Variants in WFS1 observed in about 807,000 individuals in gnomAD.
The protein encoded by WFS1 is wolframin ER transmembrane glycoprotein.
WFS1 carries 90 observed loss-of-function variants against 68.5 expected under a neutral mutation model. That is an observed-to-expected ratio of 1.31 (90% CI 1.11 to 1.56). The LOEUF is 1.56. Among genes scored for constraint, WFS1 ranks in the 40% most tolerant of loss-of-function variants. WFS1 has a pLI of 0.00. For missense variants in WFS1, 1,767 were observed against 1,232.6 expected (o/e 1.43, Z -6.49); for synonymous variants, 860 against 540.7 (o/e 1.59, Z -8.19).
In WFS1 at chr4:6,291,976, G is replaced by A. The variant is rs199620178; in HGVS notation, c.691G>A (p.Glu231Lys). ...KSLQKQRRML[E>K]RLVSSESKNY... ...CCTGCAGAAGCAGAGGCGCATGCTG[G>A]AGCGCCTGGTCAGCAGCGAGTGTGA... The change falls in exon 6 of 8, where the codon GAG (glutamate) becomes AAG (lysine). Residue 231 changes from glutamate to lysine, a missense_variant. By Grantham distance (56) the Glu-to-Lys change is moderately conservative. Coordinates refer to ENST00000226760, the MANE Select transcript of WFS1 (RefSeq NM_006005.3). The A allele has an allele frequency of 7.1e-5, 115 of 1,608,940 alleles. No homozygotes were observed. The highest frequency in any genetic ancestry group is 4.1e-4 in the South Asian group (37 of 89,856).
In WFS1 at chr4:6,301,918, G is replaced by T; in HGVS notation, c.2123G>T (p.Arg708Leu). The change falls in exon 8 of 8, where the codon CGC becomes CTC. Residue 708 changes from arginine to leucine, a missense_variant. Transcript: ENST00000226760. ...TGGACCGGCCGCTTCAAGTACGTCCGCGTGACTGACATCGACAACAGCGCC... is the reference window on the plus strand; with the variant it reads ...TGGACCGGCCGCTTCAAGTACGTCCTCGTGACTGACATCGACAACAGCGCC... ...VTWTGRFKYV[R>L]VTDIDNSAES... 1 of 1,612,922 alleles carries T rather than the reference G, an allele frequency of 6.2e-7. No individual in the cohort carries two copies. Among genetic ancestry groups the T allele is most frequent in the Non-Finnish European group, 8.5e-7 (1 of 1,179,920 alleles).
intron 6 of WFS1, among the ~76,000 whole-genome samples, chr4:6,293,458 G>A (rs140008638): frequency 2.6e-4 from 39 of 152,248 alleles, no homozygotes; most frequent in African/African-American, 9.1e-4. Context: ...CCCTTCTCTC[G>A]TCCTCCGTCC....
chr4:6,301,454 C>T lies in WFS1; in HGVS notation c.1659C>T (p.Gly553=), dbSNP rs1331249699. The change falls in exon 8 of 8, where the codon GGC becomes GGT. Residue 553 remains glycine, a synonymous_variant. Transcript: ENST00000226760. ...LSVVILLEST[G]LGLLRASIGY... ...TGGTCATCCTGCTGGAGTCCACCGG[C>T]CTGGGGCTGCTCCGCGCCTCCATCG... The T allele has an allele frequency of 1.9e-6, 3 of 1,612,622 alleles. No individual in the cohort carries two copies. The highest frequency in any genetic ancestry group is 1.7e-6 in the Non-Finnish European group (2 of 1,180,038).
Position 6,301,511 on chromosome 4 carries a change from C to T in WFS1, c.1716C>T (p.Ile572=). 7 of 1,613,686 alleles carry T rather than the reference C, an allele frequency of 4.3e-6. No homozygotes were observed. The highest frequency in any genetic ancestry group is 5.9e-6 in the Non-Finnish European group (7 of 1,179,938). ...TCCTCTTCCTCTTTGCCCTCCCCAT[C>T]CTGGTGGCCGGCCTGGCCCTGGTGG... is the stretch of plus-strand genomic sequence containing the variant. ...GYFLFLFALP[I]LVAGLALVGV... is the part of the protein sequence containing the mutation. Residue 572 remains isoleucine, a synonymous_variant, in exon 8 of 8, where the codon ATC becomes ATT. Coordinates refer to ENST00000226760, the MANE Select transcript of WFS1 (RefSeq NM_006005.3).
At chr4:6,285,149 C>T (rs1040765568) in intron 2 of WFS1, among the ~76,000 whole-genome samples, 6 of 84,290 alleles carry the variant, frequency 7.1e-5, no homozygotes, top group Non-Finnish European at 1.2e-4. Flanking sequence ...AAACTCTGTG[C>T]AAGAGTTGCG....
rs760031371 is a variant in WFS1 at position 6,301,526 on chromosome 4, G to A, written c.1731G>A (p.Leu577=). 6.2e-6 allele frequency: 10 copies of A among 1,613,764 alleles called. No individual in the cohort carries two copies. In the East Asian group the frequency reaches 6.7e-5, roughly 11 times the overall value. The change falls in exon 8 of 8, where the codon CTG becomes CTA. Residue 577 remains leucine (L), a synonymous_variant. Transcript: ENST00000226760. ...LFALPILVAG[L]ALVGVLQFAR... ...CCCTCCCCATCCTGGTGGCCGGCCT[G>A]GCCCTGGTGGGCGTGCTGCAGTTCG...
rs752585187 is a variant in WFS1, at chr4:6,295,130, G to A, written c.802G>A (p.Asp268Asn). 12 of 1,613,172 alleles carry A rather than the reference G, an allele frequency of 7.4e-6. No homozygotes were observed. Among genetic ancestry groups the A allele is most frequent in the African/African-American group, 1.3e-5 (1 of 75,044 alleles). The part of the protein sequence containing the change: ...VIPSSLFLQD[D>N]EDDDELAGKS... ...CCCCAGCAGCCTGTTCCTGCAGGAC[G>A]ACGAAGATGATGACGAGCTGGCGGG... The change falls in exon 7 of 8, where the codon GAC becomes AAC. Residue 268 changes from aspartate (D) to asparagine (N), a missense_variant. Transcript: ENST00000226760.
At chr4:6,298,428 G>A (rs1424004538) in intron 7 of WFS1, among the ~76,000 whole-genome samples, 6 of 152,056 alleles carry the variant, frequency 3.9e-5, no homozygotes, top group Non-Finnish European at 5.9e-5. Flanking sequence ...TGCTCATGTA[G>A]AAGGTTGTTG....
chr4:6,301,319 T>C lies in WFS1; in HGVS notation c.1524T>C (p.Tyr508=). ...VLNVSVPCLL[Y]VYLLYLFFRM... ...ACGTCAGCGTCCCGTGCCTGCTCTATGTCTACCTGCTCTATCTCTTCTTCC... is the reference window on the plus strand; with the variant it reads ...ACGTCAGCGTCCCGTGCCTGCTCTACGTCTACCTGCTCTATCTCTTCTTCC... The change falls in exon 8 of 8, where the codon TAT becomes TAC. Residue 508 remains tyrosine, a synonymous_variant. Transcript: ENST00000226760. 1.9e-6 allele frequency: 3 copies of C among 1,611,736 alleles called. No individual in the cohort carries two copies. In the South Asian group the frequency reaches 3.3e-5, roughly 18 times the overall value.
At position 6,300,539 on chromosome 4, in the gene WFS1, G is replaced by A. The variant is rs55879635; in HGVS notation, c.862-118G>A. On this transcript the variant is annotated intron_variant, in intron 7 of 7. Transcript: ENST00000226760. ...ACCACTAGGATGGGGCTGGTGATGGGAAAACGCAAGGGTGCGGGTTCCTTT... is the reference window on the plus strand; with the variant it reads ...ACCACTAGGATGGGGCTGGTGATGGAAAAACGCAAGGGTGCGGGTTCCTTT... 60,814 of 1,492,990 alleles carry A rather than the reference G, an allele frequency of 0.041. 1,547 individuals are homozygous for A. Among genetic ancestry groups the A allele is most frequent in the Non-Finnish European group, 0.049 (53,789 of 1,101,692 alleles). The allele number at this position is 1,492,990 out of a possible 1,614,324, so 92.5% of individuals were successfully genotyped here.
chr4:6,297,272 A>T (rs906230484), intron 7 of WFS1, among the ~76,000 whole-genome samples: 4 of 152,138 alleles, frequency 2.6e-5, no homozygotes, highest in Non-Finnish European at 5.9e-5. Context: ...GAGGGAGGCA[A>T]TGAATCGTCA....
intron 1 of WFS1, among the ~76,000 whole-genome samples, chr4:6,272,346 G>A (rs546497575): frequency 5.1e-4 from 77 of 152,346 alleles, no homozygotes; most frequent in African/African-American, 1.7e-3. Context: ...CACTATGGCC[G>A]TCATGAATGC....
chr4:6,280,253 C>G (rs1324852087), intron 2 of WFS1, among the ~76,000 whole-genome samples: 2 of 152,298 alleles, frequency 1.3e-5, no homozygotes, highest in East Asian at 1.9e-4. Context: ...TGACAGCAGC[C>G]CAAGTGATGT....
At chr4:6,290,329 T>C (rs954787445) in intron 4 of WFS1, among the ~76,000 whole-genome samples, 2 of 152,258 alleles carry the variant, frequency 1.3e-5, no homozygotes, top group African/African-American at 4.8e-5. Flanking sequence ...GTGGCATTGT[T>C]AGCCAGAATT....
At chr4:6,293,695 C>T (rs972040204) in intron 6 of WFS1, among the ~76,000 whole-genome samples, 1 of 152,202 alleles carries the variant, frequency 6.6e-6, no homozygotes, top group African/African-American at 2.4e-5. Flanking sequence ...TCCTGTCTCT[C>T]AGGACAGGAC....
intron 2 of WFS1, among the ~76,000 whole-genome samples, chr4:6,282,956 C>T (rs1454668334): frequency 1.3e-5 from 2 of 152,230 alleles, no homozygotes; most frequent in Non-Finnish European, 2.9e-5. Context: ...GTGTACTGTC[C>T]AGCGTCGTAG....
rs761390427 is a variant in WFS1 at position 6,291,261 on chromosome 4, C to T, written c.525C>T (p.Ala175=). 7 of 1,613,266 alleles carry T rather than the reference C, an allele frequency of 4.3e-6. No individual in the cohort carries two copies. The highest frequency in any genetic ancestry group is 2.2e-5 in the South Asian group (2 of 91,038). Residue 175 remains alanine (A), a synonymous_variant, in exon 5 of 8, where the codon GCC becomes GCT. Coordinates refer to ENST00000226760, the MANE Select transcript of WFS1 (RefSeq NM_006005.3). ...CCTCCGAGACCGACCTGGAGAGGGC[C>T]GTGCGCAAGGCAGCCCTGGTCATGT... is the stretch of plus-strand genomic sequence containing the variant. The part of the protein sequence containing the change: ...QLSSETDLER[A]VRKAALVMYW...
intron 7 of WFS1, among the ~76,000 whole-genome samples, chr4:6,298,111 C>A (rs984546519): frequency 1.3e-5 from 2 of 152,238 alleles, no homozygotes; most frequent in Non-Finnish European, 2.9e-5. Context: ...GCTACCGTGG[C>A]GGTCGTGCGT....
In WFS1 at chr4:6,302,008, C is replaced by G; in HGVS notation, c.2213C>G (p.Ala738Gly). 6.2e-7 allele frequency: 1 copy of G among 1,612,690 alleles called. No individual in the cohort carries two copies. Among genetic ancestry groups the G allele is most frequent in the Non-Finnish European group, 8.5e-7 (1 of 1,179,892 alleles). The change falls in exon 8 of 8, where the codon GCC becomes GGC. Residue 738 changes from alanine to glycine, a missense_variant. Physicochemically the swap from Ala to Gly is moderately conservative, Grantham distance 60 (BLOSUM62 0). Coordinates refer to ENST00000226760, the MANE Select transcript of WFS1 (RefSeq NM_006005.3). ...GDWMRCLYGE[A>G]YPACSPGNTS... ...TGGATGCGCTGCCTCTACGGCGAGG[C>G]CTACCCTGCCTGCAGCCCTGGCAAC...
Sources: allele counts gnomAD v4.1 joint callset (sites outside exome capture counted in the v4.1 genomes callset), GRCh38; gene constraint gnomAD v4.1.1; transcripts MANE v1.5; gene names NCBI Gene and HGNC (gene_info 2026-07-23, HGNC 2026-07-21).